Variants in ARHGAP25 observed in about 807,000 individuals in gnomAD.
ARHGAP25 encodes the protein Rho GTPase activating protein 25.
A neutral mutation model predicts 71.0 loss-of-function variants in ARHGAP25; 34 were observed. The observed-to-expected ratio is 0.48, with a 90% CI of 0.36 to 0.64. The LOEUF is 0.64. Among genes scored for constraint, ARHGAP25 ranks in the 30% least tolerant of loss-of-function variants. ARHGAP25 has a pLI of 0.00. For missense variants in ARHGAP25, 706 were observed against 805.1 expected (o/e 0.88, Z 1.49); for synonymous variants, 282 against 296.5 (o/e 0.95, Z 0.50).
chr2:68,792,845 C>T (rs1043277965), intron 4 of ARHGAP25, among the ~76,000 whole-genome samples: 2 of 152,176 alleles, frequency 1.3e-5, no homozygotes, highest in Non-Finnish European at 2.9e-5. Context: ...TCTGAGAAAT[C>T]TCCATACTGT....
chr2:68,825,844 T>G, intron 10 of ARHGAP25, 143 bp from the exon 11 acceptor site: 1 of 675,242 alleles, frequency 1.5e-6, no homozygotes, highest in Non-Finnish European at 2.5e-6. Context: ...GACATCTTCA[T>G]GTGGGAAGAG....
At chr2:68,819,586 T>C (rs1402278849) in intron 9 of ARHGAP25, 1 of 634,706 alleles carries the variant, frequency 1.6e-6, no homozygotes. Flanking sequence ...AAGCCCACTC[T>C]GAAAGAGAGA....
At chr2:68,794,248 G>A (rs567129069) in intron 4 of ARHGAP25, among the ~76,000 whole-genome samples, 1 of 152,054 alleles carries the variant, frequency 6.6e-6, no homozygotes, top group South Asian at 2.1e-4. Flanking sequence ...TTCCAATTTG[G>A]ATACCACTTA....
At chr2:68,743,560 C>A (rs992753611) in intron 1 of ARHGAP25, among the ~76,000 whole-genome samples, 4 of 152,148 alleles carry the variant, frequency 2.6e-5, no homozygotes, top group Non-Finnish European at 4.4e-5. Flanking sequence ...ATTCCATGCA[C>A]CTGGTCATTC....
chr2:68,760,119 A>G (rs886870302), intron 1 of ARHGAP25, among the ~76,000 whole-genome samples: 3 of 152,110 alleles, frequency 2.0e-5, no homozygotes, highest in Admixed American at 6.5e-5. Context: ...ATAGTCATGT[A>G]TTCGACAAGA....
chr2:68,755,101 A>G (rs1676401091), intron 1 of ARHGAP25, among the ~76,000 whole-genome samples: 1 of 152,226 alleles, frequency 6.6e-6, no homozygotes, highest in East Asian at 1.9e-4. Flanking sequence ...TGATAACCTC[A>G]ATCCAGTATA....
At chr2:68,768,886 G>A (rs1263732264) in intron 1 of ARHGAP25, among the ~76,000 whole-genome samples, 1 of 152,054 alleles carries the variant, frequency 6.6e-6, no homozygotes, top group Non-Finnish European at 1.5e-5. Flanking sequence ...CCATGAATGG[G>A]TCTCCCAGAT....
chr2:68,810,830 CTCCTGGAT>C (rs1217853443), intron 5 of ARHGAP25, among the ~76,000 whole-genome samples: 2 of 151,412 alleles, frequency 1.3e-5, no homozygotes, highest in African/African-American at 4.9e-5. Context: ...CAACCTCTGC[CTCCTGGAT>C]TCAAGTTATT....
chr2:68,748,722 C>A (rs4068867), intron 1 of ARHGAP25, among the ~76,000 whole-genome samples: 7,639 of 152,222 alleles, frequency 0.05, 260 homozygotes, highest in Middle Eastern at 0.099. Flanking sequence ...GGAAGTGGGG[C>A]TTTTGGTTTC....
chr2:68,725,149 C>T (rs1425254509), intron 2 of ARHGAP25, among the ~76,000 whole-genome samples: 1 of 152,156 alleles, frequency 6.6e-6, no homozygotes, highest in African/African-American at 2.4e-5. Context: ...TTGCTCCCTG[C>T]ATCACCTGCA....
chr2:68,799,290 T>G (rs749876140), intron 4 of ARHGAP25, among the ~76,000 whole-genome samples: 4 of 152,196 alleles, frequency 2.6e-5, no homozygotes, highest in Non-Finnish European at 4.4e-5. Context: ...CCTGACAACC[T>G]TGCCTGTCTC....
At chr2:68,718,160 A>G (rs1470823522) in intron 2 of ARHGAP25, among the ~76,000 whole-genome samples, 3 of 151,760 alleles carry the variant, frequency 2.0e-5, no homozygotes, top group South Asian at 2.1e-4. Flanking sequence ...AAAAAAAAAA[A>G]GTATCTTCTT....
intron 1 of ARHGAP25, among the ~76,000 whole-genome samples, chr2:68,756,324 G>A (rs1676481955): frequency 6.6e-6 from 1 of 152,202 alleles, no homozygotes; most frequent in Non-Finnish European, 1.5e-5. Context: ...GATCACTGAT[G>A]CCTGCCTCTG....
intron 1 of ARHGAP25, among the ~76,000 whole-genome samples, chr2:68,742,248 A>C (rs1675558976): frequency 6.6e-6 from 1 of 152,222 alleles, no homozygotes; most frequent in African/African-American, 2.4e-5. Context: ...TGGAGTTTCA[A>C]AGTGAAAGAG....
At chr2:68,763,050 T>C (rs1268931446) in intron 1 of ARHGAP25, among the ~76,000 whole-genome samples, 3 of 152,244 alleles carry the variant, frequency 2.0e-5, no homozygotes, top group Non-Finnish European at 4.4e-5. Flanking sequence ...CCAAAGTTGA[T>C]AGAAATGCTG....
intron 6 of ARHGAP25, chr2:68,816,027 G>C: frequency 2.1e-6 from 1 of 483,056 alleles, no homozygotes; most frequent in Non-Finnish European, 3.8e-6. Context: ...GAGTAGCTCA[G>C]GGTCAAGGGT....
intron 2 of ARHGAP25, 101 bp from the exon 3 acceptor site, chr2:68,782,132 C>T: frequency 9.4e-7 from 1 of 1,062,600 alleles, no homozygotes; most frequent in African/African-American, 1.6e-5. Context: ...TATCCTCCTA[C>T]TCTCCTCCCC....
chr2:68,781,424 G>A (rs1402287975), intron 2 of ARHGAP25, among the ~76,000 whole-genome samples: 2 of 152,114 alleles, frequency 1.3e-5, no homozygotes, highest in Non-Finnish European at 2.9e-5. Flanking sequence ...CAAGTGAAAT[G>A]CACTGTAAGT....
At chr2:68,725,303 G>A (rs1018812622) in intron 2 of ARHGAP25, among the ~76,000 whole-genome samples, 2 of 151,974 alleles carry the variant, frequency 1.3e-5, no homozygotes, top group East Asian at 1.9e-4. Context: ...AGGCCACAGC[G>A]ATCTTTTATT....
Sources: gnomAD v4.1 joint callset for allele counts (sites outside exome capture counted in the v4.1 genomes callset) on GRCh38, gnomAD v4.1.1 for gene constraint, MANE v1.5 for transcripts, NCBI Gene and HGNC (gene_info 2026-07-23, HGNC 2026-07-21) for gene names.